SH3RF2: variants seen among roughly 807,000 people sequenced by gnomAD.
SH3RF2 encodes the protein SH3 domain containing ring finger 2.
SH3RF2 carries 43 observed loss-of-function variants against 59.0 expected under a neutral mutation model. The ratio of observed to expected loss-of-function variants is 0.73; its 90% CI spans 0.57 to 0.94. The LOEUF (loss-of-function observed/expected upper bound fraction) is 0.94. Ranked by LOEUF, SH3RF2 falls within the 40% of genes least tolerant of loss-of-function variation. SH3RF2 has a pLI of 0.00. For missense variants in SH3RF2, 930 were observed against 940.1 expected (o/e 0.99, Z 0.14); for synonymous variants, 391 against 391.5 (o/e 1.00, Z 0.01).
intron 6 of SH3RF2, among the ~76,000 whole-genome samples, chr5:146,048,714 G>A (rs1762388377): frequency 1.3e-5 from 2 of 152,070 alleles, no homozygotes; most frequent in South Asian, 4.1e-4. Flanking sequence ...CCTTTGATCA[G>A]GTAGCTATTC....
chr5:146,066,763 G>A (rs1460520010), downstream of SH3RF2, among the ~76,000 whole-genome samples: 1 of 152,184 alleles, frequency 6.6e-6, no homozygotes, highest in Non-Finnish European at 1.5e-5. Context: ...TTATTCCTTT[G>A]TGGAACATTC....
chr5:146,002,509 GA>G (rs1760463308), intron 3 of SH3RF2, among the ~76,000 whole-genome samples: 4 of 150,970 alleles, frequency 2.6e-5, no homozygotes, highest in African/African-American at 7.3e-5. Flanking sequence ...AGGAAGGAAG[GA>G]AGGAAGGAAG....
chr5:146,017,953 A>G (rs1321260334), intron 5 of SH3RF2, among the ~76,000 whole-genome samples: 1 of 152,186 alleles, frequency 6.6e-6, no homozygotes, highest in Non-Finnish European at 1.5e-5. Flanking sequence ...GTGATCACAA[A>G]AAGCCAGAAA....
intron 3 of SH3RF2, among the ~76,000 whole-genome samples, chr5:146,001,293 A>C (rs901314252): frequency 6.6e-6 from 1 of 152,244 alleles, no homozygotes; most frequent in Non-Finnish European, 1.5e-5. Flanking sequence ...CGTGATAAGT[A>C]GATCAAATGT....
At chr5:145,959,938 AGTCAG>A (rs1390530018) in intron 2 of SH3RF2, among the ~76,000 whole-genome samples, 2 of 152,286 alleles carry the variant, frequency 1.3e-5, no homozygotes, top group Admixed American at 1.3e-4. Flanking sequence ...TCAAAATTCA[AGTCAG>A]GTACATGTAA....
chr5:145,953,795 T>TGA (rs767757852), intron 2 of SH3RF2, among the ~76,000 whole-genome samples: 5 of 152,208 alleles, frequency 3.3e-5, no homozygotes, highest in Non-Finnish European at 7.3e-5. Flanking sequence ...CACTTAAAAG[T>TGA]GAGAACATGC....
chr5:145,992,354 C>A (rs1759973404), intron 2 of SH3RF2, among the ~76,000 whole-genome samples: 3 of 152,104 alleles, frequency 2.0e-5, no homozygotes, highest in Admixed American at 2.0e-4. Context: ...GCTTGGGTGA[C>A]AAAGTGAGAC....
chr5:146,046,323 T>C (rs898010866), intron 5 of SH3RF2, among the ~76,000 whole-genome samples: 1 of 152,120 alleles, frequency 6.6e-6, no homozygotes, highest in Non-Finnish European at 1.5e-5. Flanking sequence ...TGAGCAAACA[T>C]ACATGTTTGC....
intron 5 of SH3RF2, among the ~76,000 whole-genome samples, chr5:146,038,737 T>TC (rs1227728005): frequency 6.6e-6 from 1 of 152,192 alleles, no homozygotes; most frequent in Non-Finnish European, 1.5e-5. Flanking sequence ...ATGTTGCTTC[T>TC]CCCCCAAATT....
At chr5:145,983,622 C>T (rs1036816722) in intron 2 of SH3RF2, among the ~76,000 whole-genome samples, 1 of 152,080 alleles carries the variant, frequency 6.6e-6, no homozygotes, top group Non-Finnish European at 1.5e-5. Flanking sequence ...ATGAGGCCAG[C>T]GATAAATTGG....
At chr5:146,081,536 G>C (rs1763425410) in exon 10 of SH3RF2, 1 of 152,162 alleles carries the variant, frequency 6.6e-6, no homozygotes, top group African/African-American at 2.4e-5. Context: ...GAAGCAAAAG[G>C]GGAAAGGGGG....
chr5:146,055,562 A>G (rs999769654), intron 7 of SH3RF2, among the ~76,000 whole-genome samples: 2 of 152,238 alleles, frequency 1.3e-5, no homozygotes, highest in Middle Eastern at 3.2e-3. Context: ...CTCTGCCTTC[A>G]AAGACTTTGG....
intron 2 of SH3RF2, among the ~76,000 whole-genome samples, chr5:145,991,546 A>G (rs1759933227): frequency 1.3e-5 from 2 of 152,146 alleles, no homozygotes; most frequent in Non-Finnish European, 1.5e-5. Flanking sequence ...AAATGAGACT[A>G]CCAGAGGAGG....
Position 146,013,819 on chromosome 5 carries a change from C to T in SH3RF2, c.817C>T (p.Leu273=), listed in dbSNP as rs1162491701. The change falls in exon 5 of 10, where the codon CTG becomes TTG. Residue 273 remains leucine (L), a synonymous_variant. Coordinates refer to ENST00000359120, the MANE Select transcript of SH3RF2 (RefSeq NM_152550.4). ...RQSSRTKNLS[L]VSSSSRGNTS... ...GTCATCCCGCACAAAAAACCTGTCC[C>T]TGGTGTCCTCGTCCTCCAGAGGCAA... 6.2e-7 allele frequency: 1 copy of T among 1,614,064 alleles called. No homozygotes were observed. Among genetic ancestry groups the T allele is most frequent in the African/African-American group, 1.3e-5 (1 of 74,940 alleles).
At chr5:146,051,570 C>G (rs1762498094) in intron 7 of SH3RF2, among the ~76,000 whole-genome samples, 1 of 152,066 alleles carries the variant, frequency 6.6e-6, no homozygotes. Flanking sequence ...AATAGAGGAT[C>G]CAAGGTGAGA....
intron 2 of SH3RF2, among the ~76,000 whole-genome samples, chr5:145,993,942 G>A (rs1178860068): frequency 6.6e-6 from 1 of 152,188 alleles, no homozygotes; most frequent in Middle Eastern, 3.2e-3. Context: ...TTGTCAGACT[G>A]CAAATTTTCC....
chr5:145,960,991 A>G (rs1337551211), intron 2 of SH3RF2, among the ~76,000 whole-genome samples: 4 of 152,216 alleles, frequency 2.6e-5, no homozygotes, highest in Non-Finnish European at 5.9e-5. Flanking sequence ...AGCAGCAAGC[A>G]GCTGATGGAA....
intron 2 of SH3RF2, among the ~76,000 whole-genome samples, chr5:145,961,108 G>C (rs1215670803): frequency 6.6e-6 from 1 of 151,542 alleles, no homozygotes; most frequent in Non-Finnish European, 1.5e-5. Flanking sequence ...AAATAAAGAG[G>C]GCAAATTGAT....
At chr5:146,056,236 G>C in intron 8 of SH3RF2, 23 bp downstream of exon 8, 2 of 1,614,020 alleles carry the variant, frequency 1.2e-6, no homozygotes, top group Middle Eastern at 1.6e-4. Context: ...AGAGAGGTAC[G>C]TGCCTAGAGC....
Sources: gnomAD v4.1 joint callset for allele counts (sites outside exome capture counted in the v4.1 genomes callset) on GRCh38, gnomAD v4.1.1 for gene constraint, MANE v1.5 for transcripts, NCBI Gene and HGNC (gene_info 2026-07-23, HGNC 2026-07-21) for gene names.